CDH2: variants seen among roughly 807,000 people sequenced by gnomAD.
CDH2 encodes the protein cadherin-2.
In CDH2, 17 loss-of-function variants were observed where a neutral mutation model predicts 92.0. The observed-to-expected ratio is 0.18, with a 90% CI of 0.13 to 0.28. The LOEUF is 0.28. Ranked by LOEUF, CDH2 falls within the 10% of genes least tolerant of loss-of-function variation. The probability of loss-of-function intolerance (pLI) is 1.00; values close to 1 mark genes in which losing one functional copy is unlikely to be tolerated. For synonymous variants in CDH2, 419 were observed against 415.9 expected, an observed-to-expected ratio of 1.01 and a Z score of -0.09; for missense variants, 862 against 1,133.1, an observed-to-expected ratio of 0.76 and a Z score of 3.44.
chr18:28,126,304 CA>C (rs1173052159), intron 2 of CDH2, among the ~76,000 whole-genome samples: 5 of 151,958 alleles, frequency 3.3e-5, no homozygotes, highest in Non-Finnish European at 7.4e-5. Flanking sequence ...ATAAAACTTC[CA>C]AAAATCAAAG....
chr18:28,160,011 G>T (rs2016282255), intron 1 of CDH2, among the ~76,000 whole-genome samples: 1 of 152,088 alleles, frequency 6.6e-6, no homozygotes, highest in South Asian at 2.1e-4. Context: ...AGGGTGGCTG[G>T]TTTTTATAGT....
chr18:28,011,737 T>A, intron 4 of CDH2, 109 bp downstream of exon 4: 1 of 1,000,142 alleles, frequency 1.0e-6, no homozygotes, highest in Non-Finnish European at 1.5e-6. Flanking sequence ...GAAAAACACT[T>A]TTAGTATATA....
rs147179022 is a variant in CDH2, at chr18:28,008,516, G to A, written c.702+1201C>T. Among the ~76,000 whole-genome samples the A allele has an allele frequency of 5.9e-5, 9 of 152,116 alleles. No individual in the cohort carries two copies. The East Asian group carries it at 1.7e-3, about 29-fold the overall frequency. ...TTGAAGTTTAAAAACTTCAATAATT[G>A]TTCTCATTCATAGGTGGGAACTGAA... On this transcript the variant is annotated intron_variant, in intron 5 of 15. Coordinates refer to ENST00000269141, the MANE Select transcript of CDH2 (RefSeq NM_001792.5).
At chr18:28,111,958 T>C (rs17494718) in intron 2 of CDH2, among the ~76,000 whole-genome samples, 1 of 152,210 alleles carries the variant, frequency 6.6e-6, no homozygotes, top group Non-Finnish European at 1.5e-5. Flanking sequence ...TCATTTTTTA[T>C]AGATTTTCTT....
chr18:28,006,470 C>A (rs1334741038), intron 5 of CDH2, among the ~76,000 whole-genome samples: 2 of 151,932 alleles, frequency 1.3e-5, no homozygotes, highest in Non-Finnish European at 2.9e-5. Context: ...GTAATCCCAG[C>A]ACATTGGGAG....
At chr18:28,139,869 G>A (rs1250780146) in intron 2 of CDH2, among the ~76,000 whole-genome samples, 3 of 151,942 alleles carry the variant, frequency 2.0e-5, no homozygotes, top group Admixed American at 2.0e-4. Context: ...TGTATACTGA[G>A]TACTCCCAAC....
chr18:28,054,144 ATAGG>A (rs1452005098), intron 2 of CDH2, among the ~76,000 whole-genome samples: 3 of 152,290 alleles, frequency 2.0e-5, no homozygotes, highest in Non-Finnish European at 4.4e-5. Flanking sequence ...ACTGGCTTCC[ATAGG>A]TAGGTAAGGT....
At chr18:28,034,009 C>G (rs1444198170) in intron 2 of CDH2, among the ~76,000 whole-genome samples, 2 of 151,954 alleles carry the variant, frequency 1.3e-5, no homozygotes, top group Non-Finnish European at 2.9e-5. Context: ...GTCTGATATA[C>G]TATACTTTTC....
intron 2 of CDH2, among the ~76,000 whole-genome samples, chr18:28,133,244 A>C (rs1343718177): frequency 6.6e-6 from 1 of 152,190 alleles, no homozygotes; most frequent in Admixed American, 6.5e-5. Context: ...TCTGTAACAC[A>C]GGATTACCAC....
intron 2 of CDH2, among the ~76,000 whole-genome samples, chr18:28,090,881 CT>C (rs1224467638): frequency 1.3e-5 from 2 of 152,144 alleles, no homozygotes; most frequent in East Asian, 3.9e-4. Flanking sequence ...CCTTTTCACT[CT>C]GCCTACAAGT....
chr18:28,104,256 A>C (rs1472376399), intron 2 of CDH2, among the ~76,000 whole-genome samples: 1 of 152,208 alleles, frequency 6.6e-6, no homozygotes, highest in Non-Finnish European at 1.5e-5. Context: ...ATATTCATTA[A>C]AAGAACCCTA....
intron 2 of CDH2, among the ~76,000 whole-genome samples, chr18:28,144,348 T>C (rs2016001607): frequency 6.9e-6 from 1 of 145,092 alleles, no homozygotes; most frequent in African/African-American, 2.7e-5. Flanking sequence ...AACATATATA[T>C]GCCACGGGAT....
chr18:28,166,624 G>C (rs749066746), intron 1 of CDH2, among the ~76,000 whole-genome samples: 1 of 152,018 alleles, frequency 6.6e-6, no homozygotes, highest in Admixed American at 6.6e-5. Flanking sequence ...AATGTGTAGA[G>C]GCAAAAGCAA....
chr18:27,965,773 A>G (rs549168067), intron 14 of CDH2, among the ~76,000 whole-genome samples: 1 of 152,210 alleles, frequency 6.6e-6, no homozygotes, highest in Admixed American at 6.5e-5. Context: ...TCATAAGGTC[A>G]GGAGTTCAAG....
intron 2 of CDH2, among the ~76,000 whole-genome samples, chr18:28,046,578 G>C (rs1202253928): frequency 1.3e-5 from 2 of 152,102 alleles, no homozygotes; most frequent in Non-Finnish European, 2.9e-5. Flanking sequence ...AAGACTCAGT[G>C]CTGAGAAAAA....
chr18:28,151,530 C>T (rs1240313343), intron 1 of CDH2, among the ~76,000 whole-genome samples: 1 of 152,186 alleles, frequency 6.6e-6, no homozygotes, highest in Non-Finnish European at 1.5e-5. Flanking sequence ...GAGGTATCTA[C>T]CTACCCATTA....
chr18:28,122,223 C>A (rs566327015), intron 2 of CDH2, among the ~76,000 whole-genome samples: 4 of 152,212 alleles, frequency 2.6e-5, no homozygotes, highest in Non-Finnish European at 5.9e-5. Flanking sequence ...CCTTTTTCAA[C>A]CTCCACCACA....
Position 28,076,534 on chromosome 18 carries a change from GT to G in CDH2, c.173-62626del, listed in dbSNP as rs926281357. Among the ~76,000 whole-genome samples the G allele has an allele frequency of 2.6e-5, 4 of 151,650 alleles. No homozygotes were observed. In the East Asian group the frequency reaches 5.8e-4, roughly 22 times the overall value. ...ATAATTTTTTAACATTTTAGATACAGTTTTTTTTCCTTTTTTTAAATTATAC... is the reference window on the plus strand; with the variant it reads ...ATAATTTTTTAACATTTTAGATACAGTTTTTTTCCTTTTTTTAAATTATAC... On this transcript the variant is annotated intron_variant, in intron 2 of 15. Transcript: ENST00000269141.
At chr18:27,965,689 G>T (rs2011515838) in intron 14 of CDH2, among the ~76,000 whole-genome samples, 1 of 152,100 alleles carries the variant, frequency 6.6e-6, no homozygotes, top group African/African-American at 2.4e-5. Context: ...GAAAGTCCTT[G>T]AACTGTTAAA....
Sources: gnomAD v4.1 joint callset for allele counts (sites outside exome capture counted in the v4.1 genomes callset) on GRCh38, gnomAD v4.1.1 for gene constraint, MANE v1.5 for transcripts, NCBI Gene and HGNC (gene_info 2026-07-23, HGNC 2026-07-21) for gene names.